Variants in EXTL3 observed in about 807,000 individuals in gnomAD.
EXTL3 encodes the protein exostosin-like 3.
In EXTL3, 27 loss-of-function variants were observed where a neutral mutation model predicts 69.3. The observed-to-expected ratio is 0.39, with a 90% CI of 0.29 to 0.54. EXTL3 has a LOEUF of 0.54. Among genes scored for constraint, EXTL3 ranks in the 20% least tolerant of loss-of-function variants. The probability of loss-of-function intolerance (pLI) is 0.69; values close to 1 mark genes in which losing one functional copy is unlikely to be tolerated. For missense variants in EXTL3, 1,003 were observed against 1,231.8 expected (o/e 0.81, Z 2.78); for synonymous variants, 511 against 499.4 (o/e 1.02, Z -0.31).
intron 2 of EXTL3, among the ~76,000 whole-genome samples, chr8:28,612,180 A>G (rs984040600): frequency 1.3e-5 from 2 of 152,206 alleles, no homozygotes; most frequent in Non-Finnish European, 2.9e-5. Flanking sequence ...TGGGCCAGGC[A>G]TGGTGGCTCA....
At chr8:28,711,455 C>A (rs983225423) in intron 1 of EXTL3, among the ~76,000 whole-genome samples, 1 of 152,056 alleles carries the variant, frequency 6.6e-6, no homozygotes, top group African/African-American at 2.4e-5. Flanking sequence ...AGCCATGTTC[C>A]CATTTTTTTT....
In EXTL3 at chr8:28,737,561, C is replaced by T; in HGVS notation, c.2319C>T (p.Gly773=). ...EARDRIVGFP[G]RYHAWDIPHQ... is the part of the protein sequence containing the mutation. ...GGGACCGCATCGTGGGCTTCCCTGG[C>T]CGTTACCACGCATGGGACATCCCCC... Residue 773 remains glycine, a synonymous_variant, in exon 5 of 7, where the codon GGC becomes GGT. Transcript: ENST00000220562. 3 of 1,614,048 alleles carry T rather than the reference C, an allele frequency of 1.9e-6. No homozygotes were observed. Among genetic ancestry groups the T allele is most frequent in the Non-Finnish European group, 1.7e-6 (2 of 1,179,906 alleles).
At chr8:28,742,458 T>C (rs1227314525) in intron 5 of EXTL3, 2 of 159,510 alleles carry the variant, frequency 1.3e-5, no homozygotes, top group Admixed American at 5.9e-5. Flanking sequence ...AGGGGTGATA[T>C]GTTCAGTTGG....
In EXTL3 at chr8:28,747,441, C is replaced by G. The variant is rs142375557; in HGVS notation, c.2551-3216C>G. 6.2e-3 allele frequency among the ~76,000 whole-genome samples: 943 copies of G among 152,262 alleles called. 6 individuals are homozygous for G. The highest frequency in any genetic ancestry group is 0.021 in the African/African-American group (886 of 41,556). ...CTCCTCCCAGTTTAAACTCTGGGACCTGGGCTCTGACGGCGCATACTGGCT... is the reference window on the plus strand; with the variant it reads ...CTCCTCCCAGTTTAAACTCTGGGACGTGGGCTCTGACGGCGCATACTGGCT... On this transcript the variant is annotated intron_variant, in intron 6 of 6. Transcript: ENST00000220562.
intron 1 of EXTL3, among the ~76,000 whole-genome samples, chr8:28,643,577 G>A (rs1806780442): frequency 6.6e-6 from 1 of 151,666 alleles, no homozygotes; most frequent in Admixed American, 6.6e-5. Flanking sequence ...ACCACACCCG[G>A]CTAATTTTTT....
intron 4 of EXTL3, 89 bp from the exon 5 acceptor site, chr8:28,737,419 TAAGGGCCAGAG>T: frequency 7.6e-7 from 1 of 1,322,988 alleles, no homozygotes; most frequent in Admixed American, 1.7e-5. Flanking sequence ...AGTAAAAGCC[TAAGGGCCAGAG>T]CTTGTAAGGT....
chr8:28,620,750 C>T (rs906004003), upstream of EXTL3, among the ~76,000 whole-genome samples: 5 of 152,212 alleles, frequency 3.3e-5, no homozygotes. Flanking sequence ...GGGTCTCACT[C>T]TATCACTCAG....
intron 1 of EXTL3, among the ~76,000 whole-genome samples, chr8:28,692,592 TA>T (rs1800631205): frequency 6.6e-6 from 1 of 152,242 alleles, no homozygotes; most frequent in South Asian, 2.1e-4. Context: ...TATATATATT[TA>T]AAAGTATTTA....
chr8:28,724,589 A>C (rs1050222523), intron 3 of EXTL3, among the ~76,000 whole-genome samples: 1 of 150,702 alleles, frequency 6.6e-6, no homozygotes, highest in Non-Finnish European at 1.5e-5. Flanking sequence ...AAGATGGTGA[A>C]ACCCTGTCTC....
At chr8:28,723,636 G>A (rs1038796803) in intron 3 of EXTL3, among the ~76,000 whole-genome samples, 5 of 142,774 alleles carry the variant, frequency 3.5e-5, no homozygotes, top group Non-Finnish European at 6.1e-5. Context: ...GAGGGCTCAG[G>A]ACTGTTTTTT....
rs58611579 is a variant in EXTL3 at position 28,642,305 on chromosome 8, G to A, written c.-53+19495G>A. Among the ~76,000 whole-genome samples, 1,334 of 151,992 alleles carry A rather than the reference G, an allele frequency of 8.8e-3. 18 individuals are homozygous for A. The highest frequency in any genetic ancestry group is 0.03 in the African/African-American group (1,262 of 41,460). On this transcript the variant is annotated intron_variant, in intron 1 of 6. Coordinates refer to the EXTL3 transcript ENST00000523149. The stretch of plus-strand genomic sequence containing the variant: ...TTAAAAAAAATACAAAATTAGCAGG[G>A]CATGGGGACATGCACCTGTGGTCCC...
chr8:28,722,363 C>A (rs1034698671), intron 3 of EXTL3, among the ~76,000 whole-genome samples: 1 of 152,144 alleles, frequency 6.6e-6, no homozygotes, highest in Non-Finnish European at 1.5e-5. Flanking sequence ...CTTGCAGTAG[C>A]CTAGGCGAGG....
intron 6 of EXTL3, among the ~76,000 whole-genome samples, chr8:28,747,519 A>T (rs1801911186): frequency 6.6e-6 from 1 of 152,210 alleles, no homozygotes; most frequent in African/African-American, 2.4e-5. Context: ...TCTTTCAATT[A>T]AAAAATTTCC....
intron 3 of EXTL3, among the ~76,000 whole-genome samples, chr8:28,725,961 T>G (rs115266248): frequency 0.013 from 1,935 of 151,620 alleles, 43 homozygotes; most frequent in African/African-American, 0.043. Flanking sequence ...AGTGTTTTTT[T>G]TTTTTTTTTT....
intron 1 of EXTL3, among the ~76,000 whole-genome samples, chr8:28,640,949 A>G (rs994568343): frequency 2.0e-5 from 3 of 151,454 alleles, no homozygotes; most frequent in Non-Finnish European, 4.4e-5. Context: ...TTTTTTTTCT[A>G]TTAATACAAA....
chr8:28,732,377 C>CT lies in EXTL3; in HGVS notation c.2276+1035dup, dbSNP rs200975195. Among the ~76,000 whole-genome samples, 1,174 of 152,062 alleles carry CT rather than the reference C, an allele frequency of 7.7e-3. 4 individuals are homozygous for CT. The highest frequency in any genetic ancestry group is 0.02 in the Middle Eastern group (6 of 294). ...GTATATGATTATTTTTCTTGCAGTT[C>CT]TTTTTTTTACAACATTTCTTCAATA... On this transcript the variant is annotated intron_variant, in intron 4 of 6. Coordinates refer to ENST00000220562, the MANE Select transcript of EXTL3 (RefSeq NM_001440.4).
intron 1 of EXTL3, among the ~76,000 whole-genome samples, chr8:28,691,439 A>G (rs1042844559): frequency 3.3e-5 from 5 of 152,226 alleles, no homozygotes; most frequent in Admixed American, 6.5e-5. Context: ...ATGTAGAAAC[A>G]TAATACTTCA....
At chr8:28,669,198 C>T (rs1807246758) in intron 1 of EXTL3, among the ~76,000 whole-genome samples, 1 of 152,120 alleles carries the variant, frequency 6.6e-6, no homozygotes, top group African/African-American at 2.4e-5. Context: ...CTTTATGGTA[C>T]CTCTCTTACT....
chr8:28,644,069 A>G (rs1806789459), intron 1 of EXTL3, among the ~76,000 whole-genome samples: 1 of 152,192 alleles, frequency 6.6e-6, no homozygotes, highest in Non-Finnish European at 1.5e-5. Flanking sequence ...CAGCCTAAGC[A>G]ATATGTTTTT....
Sources: allele counts gnomAD v4.1 joint callset (sites outside exome capture counted in the v4.1 genomes callset), GRCh38; gene constraint gnomAD v4.1.1; transcripts MANE v1.5; gene names NCBI Gene and HGNC (gene_info 2026-07-23, HGNC 2026-07-21).